NFATC3: variants seen among roughly 807,000 people sequenced by gnomAD.
NFATC3 encodes the protein nuclear factor of activated T cells 3, also known as nuclear factor of activated T-cells, cytoplasmic 3.
Under a neutral mutation model 98.6 loss-of-function variants are expected in NFATC3, and 46 were observed. The observed-to-expected ratio is 0.47, with a 90% CI of 0.37 to 0.60. NFATC3 has a LOEUF of 0.60. Among genes scored for constraint, NFATC3 ranks in the 20% least tolerant of loss-of-function variants. The probability of loss-of-function intolerance (pLI) is 0.00; values close to 1 mark genes in which losing one functional copy is unlikely to be tolerated. For missense variants in NFATC3, 1,256 were observed against 1,295.5 expected, an observed-to-expected ratio of 0.97 and a Z score of 0.47; for synonymous variants, 512 against 472.2, an observed-to-expected ratio of 1.08 and a Z score of -1.09.
At chr16:68,110,039 C>G (rs2035860261) in intron 1 of NFATC3, among the ~76,000 whole-genome samples, 1 of 152,090 alleles carries the variant, frequency 6.6e-6, no homozygotes, top group Non-Finnish European at 1.5e-5. Context: ...GAGTCTCACT[C>G]TGTTGCTCAG....
intron 1 of NFATC3, chr16:68,089,020 T>C: frequency 1.0e-6 from 1 of 985,466 alleles, no homozygotes; most frequent in Middle Eastern, 5.2e-4. Flanking sequence ...CATTGCTCAC[T>C]GCTCTTTCGT....
chr16:68,161,294 C>G (rs2038880434), intron 4 of NFATC3, among the ~76,000 whole-genome samples: 1 of 152,130 alleles, frequency 6.6e-6, no homozygotes, highest in Admixed American at 6.5e-5. Flanking sequence ...AAATTGATCC[C>G]TAGACGATAG....
At chr16:68,121,024 T>C (rs2036544537) in intron 1 of NFATC3, among the ~76,000 whole-genome samples, 2 of 152,002 alleles carry the variant, frequency 1.3e-5, no homozygotes, top group Admixed American at 1.3e-4. Context: ...ATATGAAACA[T>C]AAGTGTATTT....
At chr16:68,138,853 A>T in intron 3 of NFATC3, 1 of 1,126,910 alleles carries the variant, frequency 8.9e-7, no homozygotes, top group South Asian at 1.6e-5. Context: ...TAAGTCACTA[A>T]TACGGGCTCT....
intron 9 of NFATC3, among the ~76,000 whole-genome samples, chr16:68,197,343 C>A (rs1212508857): frequency 6.6e-6 from 1 of 152,188 alleles, no homozygotes; most frequent in Non-Finnish European, 1.5e-5. Context: ...GAGTGCAGTG[C>A]TGTGAACACA....
chr16:68,130,931 A>G (rs2037081204), intron 3 of NFATC3, among the ~76,000 whole-genome samples: 1 of 152,064 alleles, frequency 6.6e-6, no homozygotes, highest in South Asian at 2.1e-4. Context: ...TCTTATTAGC[A>G]CCTTTGTCGA....
chr16:68,171,133 G>A (rs1448106536), intron 5 of NFATC3, among the ~76,000 whole-genome samples: 5 of 151,764 alleles, frequency 3.3e-5, no homozygotes, highest in East Asian at 1.9e-4. Flanking sequence ...TCAGCCTCCC[G>A]AATAGCTGTG....
At chr16:68,212,003 T>C (rs1019063404) in intron 9 of NFATC3, among the ~76,000 whole-genome samples, 1 of 152,234 alleles carries the variant, frequency 6.6e-6, no homozygotes, top group African/African-American at 2.4e-5. Flanking sequence ...ATAGTGTGTG[T>C]TGGCCTCTTG....
chr16:68,217,945 TG>T, intron 9 of NFATC3: 8 of 1,221,834 alleles, frequency 6.5e-6, no homozygotes, highest in Non-Finnish European at 8.1e-6. Context: ...CCTCGATTAC[TG>T]TGGAAGAATG....
intron 1 of NFATC3, among the ~76,000 whole-genome samples, chr16:68,090,668 T>G (rs2034664075): frequency 1.3e-5 from 2 of 152,190 alleles, no homozygotes; most frequent in South Asian, 4.1e-4. Context: ...AATGTGAAAG[T>G]TGGTTGATCT....
At chr16:68,109,538 T>A (rs940993622) in intron 1 of NFATC3, among the ~76,000 whole-genome samples, 1 of 152,194 alleles carries the variant, frequency 6.6e-6, no homozygotes, top group East Asian at 1.9e-4. Context: ...TAGTTTTCTT[T>A]TTTTGTTATA....
chr16:68,144,303 G>A (rs1419757529), intron 3 of NFATC3, among the ~76,000 whole-genome samples: 3 of 152,108 alleles, frequency 2.0e-5, no homozygotes, highest in Non-Finnish European at 4.4e-5. Context: ...AGGATGCACA[G>A]AAACTGGATG....
intron 6 of NFATC3, among the ~76,000 whole-genome samples, chr16:68,175,702 G>A (rs761458896): frequency 4.0e-5 from 6 of 151,622 alleles, no homozygotes; most frequent in Non-Finnish European, 8.8e-5. Context: ...TGGGATTACC[G>A]GCACACGCCA....
intron 1 of NFATC3, among the ~76,000 whole-genome samples, chr16:68,089,707 A>G (rs1237757494): frequency 6.6e-6 from 1 of 152,186 alleles, no homozygotes; most frequent in Non-Finnish European, 1.5e-5. Context: ...AATGTATTCC[A>G]TTAACATTGT....
At chr16:68,216,179 C>G (rs1232805514) in intron 9 of NFATC3, among the ~76,000 whole-genome samples, 1 of 152,038 alleles carries the variant, frequency 6.6e-6, no homozygotes, top group Admixed American at 6.6e-5. Flanking sequence ...GTCTGGAGCT[C>G]AGGTTTGGCC....
chr16:68,120,526 C>G (rs148761025), intron 1 of NFATC3, among the ~76,000 whole-genome samples: 1 of 149,820 alleles, frequency 6.7e-6, no homozygotes, highest in Non-Finnish European at 1.5e-5. Flanking sequence ...TTGCAGTGAG[C>G]CAAGATCGCA....
chr16:68,175,854 A>G lies in NFATC3; in HGVS notation c.1915+1340A>G, dbSNP rs1032622525. 1.9e-4 allele frequency among the ~76,000 whole-genome samples: 29 copies of G among 152,086 alleles called. 2 individuals carry two copies. Among genetic ancestry groups the G allele is most frequent in the Non-Finnish European group, 1.5e-5 (1 of 68,016 alleles). On this transcript the variant is annotated intron_variant, in intron 6 of 9. Transcript: ENST00000346183. ...AGGATCTACGCGCCAGTCATGAAAG[A>G]CTGTTTTTATAAGAATAATATAATA...
chr16:68,200,643 T>A (rs976350640), intron 9 of NFATC3: 6 of 152,166 alleles, frequency 3.9e-5, no homozygotes, highest in African/African-American at 1.4e-4. Context: ...CCTGGAAGGC[T>A]GTAATATAAA....
chr16:68,182,540 A>G (rs1361368664), intron 7 of NFATC3, among the ~76,000 whole-genome samples: 1 of 152,120 alleles, frequency 6.6e-6, no homozygotes, highest in Non-Finnish European at 1.5e-5. Flanking sequence ...ATTTATTTTT[A>G]GATGGAGTCT....
Sources: gnomAD v4.1 joint callset for allele counts (sites outside exome capture counted in the v4.1 genomes callset) on GRCh38, gnomAD v4.1.1 for gene constraint, MANE v1.5 for transcripts, NCBI Gene and HGNC (gene_info 2026-07-23, HGNC 2026-07-21) for gene names.